Variants in WTAP observed in about 807,000 individuals in gnomAD.
WTAP encodes the protein WT1 associated protein.
A neutral mutation model predicts 50.0 loss-of-function variants in WTAP; 8 were observed. The observed-to-expected ratio is 0.16, with a 90% confidence interval of 0.09 to 0.29. WTAP has a LOEUF of 0.29. Among genes scored for constraint, WTAP ranks in the 10% least tolerant of loss-of-function variants. The pLI, the probability that WTAP is intolerant of heterozygous loss-of-function variation, is 1.00. For synonymous variants in WTAP, 194 were observed against 169.0 expected (o/e 1.15, Z -1.15); for missense variants, 295 against 470.7 (o/e 0.63, Z 3.45).
chr6:159,735,296 G>A (rs1263401701), intron 1 of WTAP, among the ~76,000 whole-genome samples: 1 of 152,018 alleles, frequency 6.6e-6, no homozygotes, highest in Non-Finnish European at 1.5e-5. Context: ...GTGCCACTAC[G>A]CCGGGCTAAT....
At chr6:159,742,254 A>G (rs1372974217) in intron 4 of WTAP, 108 bp downstream of exon 4, 2 of 962,926 alleles carry the variant, frequency 2.1e-6, no homozygotes, top group African/African-American at 1.7e-5. Flanking sequence ...CTCGTGTTTT[A>G]TTATAAGAAC....
intron 2 of WTAP, among the ~76,000 whole-genome samples, chr6:159,737,690 C>A (rs1208727695): frequency 6.6e-6 from 1 of 151,930 alleles, no homozygotes; most frequent in African/African-American, 2.4e-5. Flanking sequence ...TGGGGTTTTG[C>A]CATGTTACCC....
intron 6 of WTAP, among the ~76,000 whole-genome samples, chr6:159,751,099 T>G (rs1418507302): frequency 6.6e-6 from 1 of 152,220 alleles, no homozygotes; most frequent in African/African-American, 2.4e-5. Flanking sequence ...ATGGGTTGAT[T>G]TTTTTGTTTG....
chr6:159,727,604 G>C lies in WTAP; in HGVS notation c.-108G>C, dbSNP rs1778270873. 2.0e-6 allele frequency: 2 copies of C among 986,560 alleles called. No individual in the cohort carries two copies. Among genetic ancestry groups the C allele is most frequent in the Non-Finnish European group, 2.4e-6 (2 of 830,802 alleles). The allele number at this position is 986,560 out of a possible 1,614,324, so 61.1% of individuals were successfully genotyped here. On this transcript the variant is annotated 5_prime_UTR_variant, in exon 1 of 8. Coordinates refer to ENST00000621533, the MANE Select transcript of WTAP (RefSeq NM_001270531.2). ...GCGCGGCGGGGCCGGCGGCAGAGCT[G>C]TCCGGCTGCGCGGTGGCCCGGGGGG...
intron 1 of WTAP, among the ~76,000 whole-genome samples, chr6:159,732,850 TTCTCTCTC>T (rs146820451): frequency 0.21 from 31,144 of 147,498 alleles, 3,394 homozygotes; most frequent in East Asian, 0.4. Flanking sequence ...GTCTGCTTCT[TTCTCTCTC>T]TCTCTCTCTC....
chr6:159,730,121 C>G (rs986016788), intron 1 of WTAP, among the ~76,000 whole-genome samples: 3 of 152,132 alleles, frequency 2.0e-5, no homozygotes, highest in Non-Finnish European at 4.4e-5. Flanking sequence ...ATTTGAGACC[C>G]TTACCCCCAA....
chr6:159,749,265 A>T (rs1779735024), intron 6 of WTAP: 1 of 985,374 alleles, frequency 1.0e-6, no homozygotes, highest in Non-Finnish European at 1.2e-6. Flanking sequence ...TCACTGCATT[A>T]TTTTTTTTAG....
At chr6:159,739,587 A>AGT (rs1213263603) in intron 3 of WTAP, among the ~76,000 whole-genome samples, 1 of 152,236 alleles carries the variant, frequency 6.6e-6, no homozygotes, top group Non-Finnish European at 1.5e-5. Flanking sequence ...GAAATCAGGA[A>AGT]GTAGGATGTT....
intron 1 of WTAP, 71 bp from the exon 2 acceptor site, chr6:159,736,183 GAGTC>G (rs1192854180): frequency 5.1e-6 from 7 of 1,372,630 alleles, no homozygotes; most frequent in Non-Finnish European, 6.1e-6. Context: ...TGATTTGAAA[GAGTC>G]AGTATTTTTT....
At chr6:159,734,958 C>T (rs1778815834) in intron 1 of WTAP, among the ~76,000 whole-genome samples, 1 of 151,996 alleles carries the variant, frequency 6.6e-6, no homozygotes, top group East Asian at 1.9e-4. Context: ...CTGCTATTAG[C>T]ATTCGTTCTA....
At chr6:159,744,027 T>C (rs534007073) in intron 5 of WTAP, among the ~76,000 whole-genome samples, 5 of 152,314 alleles carry the variant, frequency 3.3e-5, no homozygotes, top group African/African-American at 7.2e-5. Context: ...TCATGCCTTA[T>C]AAGTATTAGT....
chr6:159,742,025 C>T, intron 3 of WTAP, 63 bp from the exon 4 acceptor site: 1 of 1,174,948 alleles, frequency 8.5e-7, no homozygotes, highest in East Asian at 2.5e-5. Context: ...TTATAGATAT[C>T]TTCTAGTTTA....
intron 7 of WTAP, among the ~76,000 whole-genome samples, chr6:159,754,311 A>G (rs939388936): frequency 6.6e-6 from 1 of 152,192 alleles, no homozygotes; most frequent in Non-Finnish European, 1.5e-5. Flanking sequence ...TATATGTAAC[A>G]GTCCTTGGTT....
chr6:159,747,058 T>C (rs920285956), intron 5 of WTAP, among the ~76,000 whole-genome samples: 2 of 152,220 alleles, frequency 1.3e-5, no homozygotes, highest in African/African-American at 4.8e-5. Flanking sequence ...GAAACAAATA[T>C]ATTCCCAAAC....
chr6:159,750,940 T>C (rs1418098998), intron 6 of WTAP, among the ~76,000 whole-genome samples: 1 of 152,248 alleles, frequency 6.6e-6, no homozygotes, highest in Non-Finnish European at 1.5e-5. Flanking sequence ...TTTTCTGTTC[T>C]AATTTTGAGG....
intron 1 of WTAP, among the ~76,000 whole-genome samples, chr6:159,732,886 A>T (rs926208106): frequency 2.2e-4 from 32 of 146,486 alleles, no homozygotes; most frequent in African/African-American, 4.7e-4. Flanking sequence ...ATATATATAT[A>T]GTGTGTGTGT....
chr6:159,748,067 G>A lies in WTAP; in HGVS notation c.274-124G>A. 1 of 1,220,366 alleles carries A rather than the reference G, an allele frequency of 8.2e-7. No homozygotes were observed. The highest frequency in any genetic ancestry group is 1.6e-5 in the South Asian group (1 of 60,804). 75.6% of individuals were successfully genotyped at this position (1,220,366 alleles called of 1,614,324 possible). A position where few individuals can be genotyped will look rare whatever the true frequency, so the allele number is the denominator to read the frequency against. On this transcript the variant is annotated intron_variant, in intron 5 of 7. Transcript: ENST00000621533. This position sits in a 1 kb window ranked among gnomAD's most constrained non-coding sequence, Gnocchi z 5.6. ...TTTAAGATTTTTCTAGAGAATTTCA[G>A]GATCAAAGAGGGGAGGAGCTTAATG...
chr6:159,743,598 G>T lies in WTAP; in HGVS notation c.146-67G>T, dbSNP rs1028956102. The stretch of plus-strand genomic sequence containing the variant: ...TAATTTTTTGACCCTAGTTCTTATT[G>T]TTCTTGACAGAGGTATTTAGAACTT... On this transcript the variant is annotated intron_variant, in intron 4 of 7. Coordinates refer to ENST00000621533, the MANE Select transcript of WTAP (RefSeq NM_001270531.2). 3.5e-5 allele frequency: 51 copies of T among 1,450,430 alleles called. No individual in the cohort carries two copies. The African/African-American group carries it at 5.9e-4, about 17-fold the overall frequency. 89.8% of individuals were successfully genotyped at this position (1,450,430 alleles called of 1,614,324 possible). A position where few individuals can be genotyped will look rare whatever the true frequency, so the allele number is the denominator to read the frequency against.
At chr6:159,733,903 C>T (rs937152623) in intron 1 of WTAP, among the ~76,000 whole-genome samples, 10 of 152,064 alleles carry the variant, frequency 6.6e-5, no homozygotes, top group Non-Finnish European at 1.2e-4. Context: ...GCAACAAGAG[C>T]GAAACTCCAT....
Sources: gnomAD v4.1 joint callset for allele counts (sites outside exome capture counted in the v4.1 genomes callset) on GRCh38, gnomAD v4.1.1 for gene constraint, Gnocchi (gnomAD v3.1) non-coding constraint, MANE v1.5 for transcripts, NCBI Gene and HGNC (gene_info 2026-07-23, HGNC 2026-07-21) for gene names.